NXPE3: variants seen among roughly 807,000 people sequenced by gnomAD.
NXPE3 encodes the protein NXPE family member 3.
A neutral mutation model predicts 46.1 loss-of-function variants in NXPE3; 26 were observed. The observed-to-expected ratio is 0.56, with a 90% confidence interval of 0.41 to 0.78. The LOEUF (loss-of-function observed/expected upper bound fraction) is 0.78, where lower values mean the gene tolerates loss of function less well. Ranked by LOEUF, NXPE3 falls within the 30% of genes least tolerant of loss-of-function variation. NXPE3 has a pLI of 0.00. For synonymous variants in NXPE3, 272 were observed against 257.9 expected (o/e 1.05, Z -0.52); for missense variants, 620 against 686.0 (o/e 0.90, Z 1.07).
Position 101,791,247 on chromosome 3 carries a change from C to T in NXPE3, c.93+5558C>T, listed in dbSNP as rs115164637. 6.7e-3 allele frequency among the ~76,000 whole-genome samples: 1,026 copies of T among 152,284 alleles called. 17 individuals are homozygous for T. Among genetic ancestry groups the T allele is most frequent in the African/African-American group, 0.023 (958 of 41,554 alleles). ...TGCTAAGGATAACAGCCTACAGCTCCATCCATGTTCCCACAAAAGATATGA... is the reference window on the plus strand; with the variant it reads ...TGCTAAGGATAACAGCCTACAGCTCTATCCATGTTCCCACAAAAGATATGA... On this transcript the variant is annotated intron_variant, in intron 4 of 7. Transcript: ENST00000273347.
chr3:101,789,278 T>C (rs1177794017), intron 4 of NXPE3, among the ~76,000 whole-genome samples: 1 of 152,208 alleles, frequency 6.6e-6, no homozygotes, highest in Non-Finnish European at 1.5e-5. Context: ...GTGTGGTGGC[T>C]TAGGCCTGTA....
intron 6 of NXPE3, among the ~76,000 whole-genome samples, chr3:101,809,556 T>C (rs1941615140): frequency 6.6e-6 from 1 of 152,266 alleles, no homozygotes; most frequent in Non-Finnish European, 1.5e-5. Context: ...AATTGTGACT[T>C]TTAATGTCTC....
At chr3:101,795,754 A>G (rs190126454) in intron 4 of NXPE3, among the ~76,000 whole-genome samples, 148 of 152,206 alleles carry the variant, frequency 9.7e-4, no homozygotes, top group Non-Finnish European at 1.2e-3. Context: ...GGTAATATAT[A>G]TTACTCATTT....
At chr3:101,817,633 A>G (rs1942030843) in intron 7 of NXPE3, among the ~76,000 whole-genome samples, 1 of 152,028 alleles carries the variant, frequency 6.6e-6, no homozygotes, top group South Asian at 2.1e-4. Context: ...ACAAAACCCC[A>G]GTGGTTGGAG....
intron 7 of NXPE3, among the ~76,000 whole-genome samples, chr3:101,818,716 TATATATATATATA>T (rs1219068215): frequency 0.027 from 1,004 of 37,506 alleles, 32 homozygotes; most frequent in African/African-American, 0.096. Flanking sequence ...TATGACAATT[TATATATATATATA>T]TATATATATA....
chr3:101,803,594 A>G (rs1446775758), intron 5 of NXPE3, among the ~76,000 whole-genome samples: 1 of 152,160 alleles, frequency 6.6e-6, no homozygotes, highest in Non-Finnish European at 1.5e-5. Context: ...TATGAAGACT[A>G]CTCAATTACC....
chr3:101,813,908 C>T (rs1020334651), intron 6 of NXPE3, among the ~76,000 whole-genome samples: 9 of 152,058 alleles, frequency 5.9e-5, no homozygotes, highest in Non-Finnish European at 1.2e-4. Context: ...TCCCAGTTGA[C>T]CATAAGGGGG....
chr3:101,824,473 T>C lies in NXPE3; in HGVS notation c.*2519T>C, dbSNP rs1402068291. On this transcript the variant is annotated 3_prime_UTR_variant, in exon 8 of 8. Transcript: ENST00000273347. ...ATTTATTTGTTTTTGAGACAGGGTC[T>C]TGCTCTTTTGCCCAGGCTGGAGTGC... is the stretch of plus-strand genomic sequence containing the variant. 1 of 152,482 alleles carries C rather than the reference T, an allele frequency of 6.6e-6. No individual in the cohort carries two copies. Among genetic ancestry groups the C allele is most frequent in the Non-Finnish European group, 1.5e-5 (1 of 68,206 alleles). The allele number at this position is 152,482 out of a possible 1,614,324, so 9.4% of individuals were successfully genotyped here.
intron 4 of NXPE3, among the ~76,000 whole-genome samples, chr3:101,799,412 CATTCTT>C (rs1323066800): frequency 6.6e-6 from 1 of 152,076 alleles, no homozygotes; most frequent in Non-Finnish European, 1.5e-5. Flanking sequence ...AAGCCCTACT[CATTCTT>C]ATTTATTTAT....
intron 4 of NXPE3, 130 bp from the exon 5 acceptor site, chr3:101,801,105 T>C (rs1013802264): frequency 8.9e-6 from 9 of 1,011,132 alleles, no homozygotes; most frequent in South Asian, 1.6e-5. Context: ...TTCTTTGATA[T>C]TCACTGTGAG....
Position 101,807,061 on chromosome 3 carries a change from A to T in NXPE3, c.857A>T (p.Asn286Ile). 6.2e-7 allele frequency: 1 copy of T among 1,611,702 alleles called. No individual in the cohort carries two copies. The highest frequency in any genetic ancestry group is 8.5e-7 in the Non-Finnish European group (1 of 1,177,834). ...TTTTATTCCTCTTAAAGTGGTGTCA[A>T]TATCAAAATGCCAGTCAACTCCAGT... ...AESAFFQSGVNIKMPVNSSGP... is the reference protein window; with the variant it reads ...AESAFFQSGVIIKMPVNSSGP... Residue 286 changes from asparagine (N) to isoleucine (I), a missense_variant, in exon 6 of 8, where the codon AAT becomes ATT. Asn to Ile is a moderately radical substitution (Grantham distance 149). Coordinates refer to ENST00000273347, the MANE Select transcript of NXPE3 (RefSeq NM_145037.4).
At position 101,803,722 on chromosome 3, in the gene NXPE3, G is replaced by A. The variant is rs1054658541; in HGVS notation, c.848+1733G>A. On this transcript the variant is annotated intron_variant, in intron 5 of 7. Coordinates refer to ENST00000273347, the MANE Select transcript of NXPE3 (RefSeq NM_145037.4). ...GCAGCCTCAACGTCCCGGGTTCGAC[G>A]GATTCTCCCACCTCAGCCTCCCGAG... 4.6e-5 allele frequency among the ~76,000 whole-genome samples: 7 copies of A among 152,208 alleles called. No individual in the cohort carries two copies. The South Asian group carries it at 6.2e-4, about 14-fold the overall frequency.
intron 7 of NXPE3, among the ~76,000 whole-genome samples, chr3:101,817,322 G>A (rs1328490751): frequency 2.6e-5 from 4 of 152,198 alleles, no homozygotes; most frequent in East Asian, 3.8e-4. Flanking sequence ...CTTCACAGGT[G>A]TCTTTCCCTT....
chr3:101,797,393 C>A (rs998109962), intron 4 of NXPE3, among the ~76,000 whole-genome samples: 3 of 148,150 alleles, frequency 2.0e-5, no homozygotes, highest in African/African-American at 7.4e-5. Flanking sequence ...TGGCCTTGAG[C>A]AAATTATTAA....
At chr3:101,798,397 C>T (rs903007786) in intron 4 of NXPE3, among the ~76,000 whole-genome samples, 19 of 151,888 alleles carry the variant, frequency 1.3e-4, no homozygotes, top group African/African-American at 4.6e-4. Flanking sequence ...ATTTTTCTTT[C>T]TTTTAAGCAC....
chr3:101,798,806 G>A (rs1366317897), intron 4 of NXPE3, among the ~76,000 whole-genome samples: 1 of 151,832 alleles, frequency 6.6e-6, no homozygotes, highest in Non-Finnish European at 1.5e-5. Context: ...TAGAGACAGG[G>A]TTTCACCATG....
intron 1 of NXPE3, 73 bp from the exon 2 acceptor site, chr3:101,782,037 A>G (rs950791828): frequency 1.3e-4 from 20 of 152,126 alleles, no homozygotes; most frequent in Admixed American, 5.2e-4. Flanking sequence ...TTGTACTCTT[A>G]ATTTCTAATG....
At position 101,823,298 on chromosome 3, in the gene NXPE3, A is replaced by G. The variant is rs1469386440; in HGVS notation, c.*1344A>G. 1 of 152,162 alleles carries G rather than the reference A, an allele frequency of 6.6e-6. No homozygotes were observed. Among genetic ancestry groups the G allele is most frequent in the African/African-American group, 2.4e-5 (1 of 41,422 alleles). The allele number at this position is 152,162 out of a possible 1,614,324, so 9.4% of individuals were successfully genotyped here. A position where few individuals can be genotyped will look rare whatever the true frequency, so the allele number is the denominator to read the frequency against. ...TTAATTTAAAATAGGAGGGCCCCAGATCTTACTTTCCTGTCCTTGAGGAAC... is the reference window on the plus strand; with the variant it reads ...TTAATTTAAAATAGGAGGGCCCCAGGTCTTACTTTCCTGTCCTTGAGGAAC... On this transcript the variant is annotated 3_prime_UTR_variant, in exon 8 of 8. Transcript: ENST00000273347.
chr3:101,797,563 A>G (rs1436837200), intron 4 of NXPE3, among the ~76,000 whole-genome samples: 2 of 109,556 alleles, frequency 1.8e-5, no homozygotes, highest in African/African-American at 7.2e-5. Context: ...TCCCAATGCT[A>G]TCCCTCCCCC....
Sources: gnomAD v4.1 joint callset for allele counts (sites outside exome capture counted in the v4.1 genomes callset) on GRCh38, gnomAD v4.1.1 for gene constraint, MANE v1.5 for transcripts, NCBI Gene and HGNC (gene_info 2026-07-23, HGNC 2026-07-21) for gene names.